Variants in STK3 observed in about 807,000 individuals in gnomAD.
STK3 encodes the protein serine/threonine kinase 3, also known as serine/threonine-protein kinase 3.
In STK3, 41 loss-of-function variants were observed where a neutral mutation model predicts 58.0. The observed-to-expected ratio is 0.71, with a 90% CI of 0.55 to 0.92. The LOEUF is 0.92. STK3 is among the 40% of genes least tolerant of loss of function. The pLI, the probability that STK3 is intolerant of heterozygous loss-of-function variation, is 0.00. For synonymous variants in STK3, 170 were observed against 191.0 expected, an observed-to-expected ratio of 0.89 and a Z score of 0.91; for missense variants, 479 against 602.7, an observed-to-expected ratio of 0.79 and a Z score of 2.15.
chr8:98,743,823 C>T (rs1159988469), intron 4 of STK3, among the ~76,000 whole-genome samples: 9 of 151,858 alleles, frequency 5.9e-5, no homozygotes, highest in East Asian at 3.9e-4. Context: ...AGAAAATTTT[C>T]GCAACCTACT....
intron 1 of STK3, chr8:98,906,137 T>G (rs1158425365): frequency 1.3e-5 from 2 of 153,696 alleles, no homozygotes; most frequent in Non-Finnish European, 2.9e-5. Flanking sequence ...TTAACAATCT[T>G]AATAAGATCC....
At chr8:98,647,318 G>A (rs1273754266) in intron 6 of STK3, among the ~76,000 whole-genome samples, 1 of 152,034 alleles carries the variant, frequency 6.6e-6, no homozygotes, top group African/African-American at 2.4e-5. Context: ...CCTTCTTAGT[G>A]TACACTCTAG....
chr8:98,662,774 A>G (rs1822057477), intron 6 of STK3, among the ~76,000 whole-genome samples: 1 of 151,870 alleles, frequency 6.6e-6, no homozygotes, highest in Non-Finnish European at 1.5e-5. Flanking sequence ...TGCTGCACCC[A>G]TTAACTCGTC....
At chr8:98,662,083 T>G (rs1822009185) in intron 6 of STK3, among the ~76,000 whole-genome samples, 1 of 152,020 alleles carries the variant, frequency 6.6e-6, no homozygotes, top group South Asian at 2.1e-4. Context: ...TGCCATGGAG[T>G]AAGTGTTTAA....
chr8:98,933,380 A>G (rs914923469), intron 1 of STK3, among the ~76,000 whole-genome samples: 11 of 152,368 alleles, frequency 7.2e-5, no homozygotes, highest in African/African-American at 2.6e-4. Flanking sequence ...TAAACAAGGC[A>G]TAGCTTACAG....
chr8:98,677,252 T>G (rs964981802), intron 6 of STK3, among the ~76,000 whole-genome samples: 1 of 152,028 alleles, frequency 6.6e-6, no homozygotes, highest in Non-Finnish European at 1.5e-5. Context: ...GGGTCCTACA[T>G]CTCATTCTAA....
chr8:98,586,650 T>A lies in STK3; in HGVS notation c.823-6861A>T, dbSNP rs558245450. ...GAGGATTCCCTCTTTTTCTATTGAT[T>A]GGAATAGTTTCAGAAGGAATGGTAC... On this transcript the variant is annotated intron_variant, in intron 7 of 10. Coordinates refer to ENST00000419617, the MANE Select transcript of STK3 (RefSeq NM_006281.4). Among the ~76,000 whole-genome samples, 6 of 151,762 alleles carry A rather than the reference T, an allele frequency of 4.0e-5. No homozygotes were observed. The East Asian group carries it at 1.2e-3, about 29-fold the overall frequency.
At chr8:98,367,726 GC>G (rs535429295), downstream of STK3, among the ~76,000 whole-genome samples, 22 of 152,344 alleles carry the variant, frequency 1.4e-4, no homozygotes, top group South Asian at 4.6e-3. Flanking sequence ...CTCAGAGGAG[GC>G]AGGTGAAAGA....
chr8:98,672,967 T>C (rs750277486), intron 6 of STK3, among the ~76,000 whole-genome samples: 58 of 152,320 alleles, frequency 3.8e-4, no homozygotes, highest in Middle Eastern at 6.8e-3. Flanking sequence ...TATGACAGTT[T>C]GCTGTGTTTC....
chr8:98,910,747 A>G (rs147662133), intron 1 of STK3, among the ~76,000 whole-genome samples: 44 of 152,350 alleles, frequency 2.9e-4, no homozygotes, highest in African/African-American at 1.0e-3. Context: ...TGTTTAACAC[A>G]GTCTACGACC....
intron 8 of STK3, among the ~76,000 whole-genome samples, chr8:98,574,233 T>C (rs547743590): frequency 1.3e-5 from 2 of 152,162 alleles, no homozygotes; most frequent in Non-Finnish European, 2.9e-5. Flanking sequence ...TTGCTGCTTA[T>C]AATCAAACAC....
chr8:98,849,440 A>T (rs1456087469), intron 3 of STK3, among the ~76,000 whole-genome samples: 1 of 151,976 alleles, frequency 6.6e-6, no homozygotes, highest in Non-Finnish European at 1.5e-5. Flanking sequence ...ACCTCAACTC[A>T]CCCAGTTCTT....
intron 10 of STK3, among the ~76,000 whole-genome samples, chr8:98,494,654 CAAAAAAAAAAAA>C (rs398008984): frequency 1.5e-4 from 6 of 40,460 alleles, no homozygotes; most frequent in South Asian, 1.3e-3. Flanking sequence ...GACCCTGTCT[CAAAAAAAAAAAA>C]AAAAAAAAAA....
intron 1 of STK3, among the ~76,000 whole-genome samples, chr8:98,890,205 G>C (rs1011032665): frequency 6.6e-6 from 1 of 152,202 alleles, no homozygotes; most frequent in Non-Finnish European, 1.5e-5. Flanking sequence ...GGAGTAAAAT[G>C]GGACACCTGG....
intron 8 of STK3, among the ~76,000 whole-genome samples, chr8:98,551,854 A>G (rs1811197800): frequency 6.6e-6 from 1 of 152,128 alleles, no homozygotes; most frequent in South Asian, 2.1e-4. Context: ...CACGTTCAAT[A>G]CATATTGACT....
the STK3 span, among the ~76,000 whole-genome samples, chr8:98,351,344 A>AT: frequency 6.6e-6 from 1 of 152,154 alleles, no homozygotes; most frequent in Admixed American, 6.5e-5. Flanking sequence ...TAGTACAACT[A>AT]TTTTTTTAAG....
intron 1 of STK3, among the ~76,000 whole-genome samples, chr8:98,789,290 A>T (rs1026851127): frequency 3.3e-5 from 5 of 152,190 alleles, no homozygotes; most frequent in African/African-American, 1.2e-4. Context: ...ATAACCCTAA[A>T]TGCCTACATC....
upstream of STK3, among the ~76,000 whole-genome samples, chr8:98,828,427 C>G (rs548133121): frequency 9.1e-6 from 1 of 110,394 alleles, no homozygotes; most frequent in East Asian, 3.1e-4. Flanking sequence ...CATGGTGAAA[C>G]CCATCTCTAC....
At chr8:98,924,001 G>T (rs895686042) in intron 1 of STK3, among the ~76,000 whole-genome samples, 1 of 152,100 alleles carries the variant, frequency 6.6e-6, no homozygotes, top group African/African-American at 2.4e-5. Context: ...GGAAAGAAAA[G>T]AAAAACCATA....
Sources: allele counts gnomAD v4.1 joint callset (sites outside exome capture counted in the v4.1 genomes callset), GRCh38; gene constraint gnomAD v4.1.1; transcripts MANE v1.5; gene names NCBI Gene and HGNC (gene_info 2026-07-23, HGNC 2026-07-21).